Variants in EMC3 observed in about 807,000 individuals in gnomAD.
The protein encoded by EMC3 is ER membrane protein complex subunit 3.
Under a neutral mutation model 36.6 loss-of-function variants are expected in EMC3, and 13 were observed. The ratio of observed to expected loss-of-function variants is 0.35; its 90% CI spans 0.23 to 0.56. The LOEUF is 0.56. EMC3 is among the 20% of genes least tolerant of loss of function. The pLI, the probability that EMC3 is intolerant of heterozygous loss-of-function variation, is 0.84. For synonymous variants in EMC3, 120 were observed against 111.9 expected (o/e 1.07, Z -0.46); for missense variants, 220 against 324.5 (o/e 0.68, Z 2.47).
At chr3:9,972,641 C>T (rs758283041) in intron 5 of EMC3, among the ~76,000 whole-genome samples, 2 of 151,256 alleles carry the variant, frequency 1.3e-5, no homozygotes, top group African/African-American at 2.4e-5. Flanking sequence ...TGTGGTGGTG[C>T]ACACCTGTAA....
intron 1 of EMC3, among the ~76,000 whole-genome samples, chr3:10,007,994 C>T (rs1036771461): frequency 1.3e-5 from 2 of 152,262 alleles, no homozygotes; most frequent in African/African-American, 4.8e-5. Flanking sequence ...TCCTTGTCTC[C>T]CCAGTGAGCT....
intron 6 of EMC3, 79 bp downstream of exon 6, chr3:9,970,503 C>T: frequency 6.9e-7 from 1 of 1,441,578 alleles, no homozygotes; most frequent in South Asian, 1.1e-5. Context: ...AACAGCACAA[C>T]CTACAAGACT....
intron 1 of EMC3, among the ~76,000 whole-genome samples, chr3:9,995,778 C>A (rs1171523739): frequency 6.6e-6 from 1 of 151,916 alleles, no homozygotes; most frequent in East Asian, 1.9e-4. Flanking sequence ...CCTGGGACTA[C>A]AGGCACGTGT....
At chr3:9,991,956 A>T (rs2086058442) in intron 1 of EMC3, among the ~76,000 whole-genome samples, 1 of 152,094 alleles carries the variant, frequency 6.6e-6, no homozygotes, top group East Asian at 1.9e-4. Context: ...TCCCGTGAGA[A>T]TCTAATGCAG....
At position 10,002,994 on chromosome 3, in the gene EMC3, C is replaced by G. The variant is rs1411450700; in HGVS notation, c.-242+8029G>C. On this transcript the variant is annotated intron_variant, in intron 1 of 8. Coordinates refer to the EMC3 transcript ENST00000470827. ...ATCAGCCTGTGGCCTTCTTCTCCAC[C>G]CAGAGCACCAGCAGCAGTGGTGGAG... The G allele has an allele frequency of 1.3e-5, 6 of 455,666 alleles. 1 individual carries two copies. The highest frequency in any genetic ancestry group is 9.4e-5 in the Admixed American group (4 of 42,398). 28.2% of individuals were successfully genotyped at this position (455,666 alleles called of 1,614,324 possible).
At chr3:9,964,345 G>A in intron 7 of EMC3, 148 bp from the exon 8 acceptor site, 1 of 1,337,526 alleles carries the variant, frequency 7.5e-7, no homozygotes, top group Non-Finnish European at 9.8e-7. Context: ...GGGAAATGCT[G>A]CTACCCCAAT....
In EMC3 at chr3:9,963,471, A is replaced by ATTTTTT. The variant is rs1209408583; in HGVS notation, c.*597_*598insAAAAAA. 0.01 allele frequency: 1,112 copies of ATTTTTT among 109,532 alleles called. 35 individuals carry two copies. The highest frequency in any genetic ancestry group is 0.038 in the African/African-American group (1,060 of 28,086). 6.8% of individuals were successfully genotyped at this position (109,532 alleles called of 1,614,324 possible). ...CTAAGATAGATATATATATATATAT[A>ATTTTTT]TATATATTTTTTTTTTTTTTTCAGA... On this transcript the variant is annotated 3_prime_UTR_variant, in exon 8 of 8. Transcript: ENST00000245046.
chr3:9,999,098 T>C (rs2086166510), intron 1 of EMC3, among the ~76,000 whole-genome samples: 1 of 152,156 alleles, frequency 6.6e-6, no homozygotes, highest in Admixed American at 6.5e-5. Flanking sequence ...ATTGTTGAGG[T>C]ATAGGAGTTA....
intron 1 of EMC3, among the ~76,000 whole-genome samples, chr3:9,982,019 C>T (rs2085916994): frequency 6.6e-6 from 1 of 151,790 alleles, no homozygotes; most frequent in Non-Finnish European, 1.5e-5. Context: ...GGCGTGATCT[C>T]GGCTCACTGA....
chr3:9,973,732 A>C (rs1292291288), intron 4 of EMC3, 23 bp from the exon 5 acceptor site: 2 of 1,598,264 alleles, frequency 1.3e-6, no homozygotes, highest in African/African-American at 1.3e-5. Context: ...AAAAGTTCAC[A>C]ATCACTCTGA....
chr3:9,992,381 C>T (rs1392420935), intron 1 of EMC3, among the ~76,000 whole-genome samples: 1 of 152,182 alleles, frequency 6.6e-6, no homozygotes, highest in Non-Finnish European at 1.5e-5. Context: ...GTACCTCAGC[C>T]TCCCAAAGTA....
Position 9,970,507 on chromosome 3 carries a change from C to T in EMC3, c.574+75G>A, listed in dbSNP as rs1170826701. On this transcript the variant is annotated intron_variant, in intron 6 of 7. Coordinates refer to ENST00000245046, the MANE Select transcript of EMC3 (RefSeq NM_001394674.1). ...CTATGGTAACAAACAGCACAACCTA[C>T]AAGACTTTTCTGGCTCTAATATGGA... 8 of 1,484,876 alleles carry T rather than the reference C, an allele frequency of 5.4e-6. No homozygotes were observed. In the South Asian group the frequency reaches 6.8e-5, roughly 13 times the overall value. 92.0% of individuals were successfully genotyped at this position (1,484,876 alleles called of 1,614,324 possible).
chr3:10,004,957 A>G (rs1355325155), intron 1 of EMC3: 1 of 152,384 alleles, frequency 6.6e-6, no homozygotes, highest in Non-Finnish European at 1.5e-5. Context: ...GGGAGGCACC[A>G]TGGAGCAGGG....
chr3:9,983,564 C>T (rs1011308321), intron 1 of EMC3, among the ~76,000 whole-genome samples: 4 of 151,860 alleles, frequency 2.6e-5, no homozygotes, highest in Admixed American at 1.3e-4. Context: ...CGCAGCCACT[C>T]GAGAGGTTGA....
chr3:10,002,616 T>C (rs1334202184), intron 1 of EMC3: 2 of 367,084 alleles, frequency 5.4e-6, no homozygotes, highest in Non-Finnish European at 1.1e-5. Flanking sequence ...ATAAAGACCC[T>C]GTGGCCTCCC....
At position 9,974,364 on chromosome 3, in the gene EMC3, C is replaced by T. The variant is rs777674965; in HGVS notation, c.412+20G>A. ...TGAATTTCTCTGGGTAACATGAAGT[C>T]GGCTGGGTCTGTAACTTACTTGTGA... On this transcript the variant is annotated intron_variant, in intron 4 of 7. Transcript: ENST00000245046. 31 of 1,540,080 alleles carry T rather than the reference C, an allele frequency of 2.0e-5. No homozygotes were observed. The highest frequency in any genetic ancestry group is 2.4e-5 in the Non-Finnish European group (27 of 1,112,892).
chr3:9,996,440 A>G (rs1395353309), intron 1 of EMC3, among the ~76,000 whole-genome samples: 3 of 152,154 alleles, frequency 2.0e-5, no homozygotes, highest in African/African-American at 7.2e-5. Context: ...GTGAGACTCT[A>G]TCTCAAAAAT....
rs1271696249 is a variant in EMC3 at position 9,963,297 on chromosome 3, G to C, written c.*772C>G. The C allele has an allele frequency of 1.3e-5, 2 of 151,914 alleles. No homozygotes were observed. The highest frequency in any genetic ancestry group is 2.9e-5 in the Non-Finnish European group (2 of 67,988). The allele number at this position is 151,914 out of a possible 1,614,324, so 9.4% of individuals were successfully genotyped here. ...AGTGGAAATGGTTTACTTGTGTAAA[G>C]AAAGTTAACAATACTAACAAAACTA... On this transcript the variant is annotated 3_prime_UTR_variant, in exon 8 of 8. Transcript: ENST00000245046.
At chr3:9,981,310 G>T (rs542796644) in intron 1 of EMC3, among the ~76,000 whole-genome samples, 28 of 152,290 alleles carry the variant, frequency 1.8e-4, no homozygotes, top group African/African-American at 6.3e-4. Context: ...GTAATCAAGA[G>T]AAATTCATCT....
Sources: gnomAD v4.1 joint callset for allele counts (sites outside exome capture counted in the v4.1 genomes callset) on GRCh38, gnomAD v4.1.1 for gene constraint, MANE v1.5 for transcripts, NCBI Gene and HGNC (gene_info 2026-07-23, HGNC 2026-07-21) for gene names.